Variants in ZNF517 observed in about 807,000 individuals in gnomAD.
The protein encoded by ZNF517 is zinc finger protein 517.
ZNF517 carries 12 observed loss-of-function variants against 12.1 expected under a neutral mutation model. That is an observed-to-expected ratio of 0.99 (90% CI 0.63 to 1.61). ZNF517 has a LOEUF of 1.61. Ranked by LOEUF, ZNF517 falls within the 40% of genes most tolerant of loss-of-function variation. ZNF517 has a pLI of 0.00. For synonymous variants in ZNF517, 388 were observed against 310.2 expected (o/e 1.25, Z -2.63); for missense variants, 781 against 693.2 (o/e 1.13, Z -1.42).
At position 144,807,490 on chromosome 8, in the gene ZNF517, C is replaced by T. The variant is rs1427333261; in HGVS notation, c.574C>T (p.Leu192Phe). ...CGKAFRYNSL[L>F]LRHQIIHTGA... ...CAAGGCGTTCAGATACAACTCGCTG[C>T]TTCTCAGGCACCAGATCATCCACAC... The change falls in exon 5 of 5, where the codon CTT (leucine) becomes TTT (phenylalanine). Residue 192 changes from leucine to phenylalanine, a missense_variant. Transcript: ENST00000359971. 1.3e-6 allele frequency: 2 copies of T among 1,586,656 alleles called. No homozygotes were observed. The highest frequency in any genetic ancestry group is 4.7e-5 in the East Asian group (2 of 42,816).
At chr8:144,812,168 TA>T (rs1200747855), downstream of ZNF517, among the ~76,000 whole-genome samples, 1,457 of 136,832 alleles carry the variant, frequency 0.011, 46 homozygotes, top group African/African-American at 0.038. Flanking sequence ...ACACTGACAG[TA>T]AAGCTCAGCC....
chr8:144,805,142 G>T (rs1458710192), intron 4 of ZNF517, among the ~76,000 whole-genome samples: 1 of 152,224 alleles, frequency 6.6e-6, no homozygotes, highest in African/African-American at 2.4e-5. Context: ...GCTAGACCAA[G>T]GTCAACTAAG....
chr8:144,804,209 AGAGCGT>A lies in ZNF517; in HGVS notation c.247_252del (p.Ser83_Val84del). 2 of 1,614,038 alleles carry A rather than the reference AGAGCGT, an allele frequency of 1.2e-6. No individual in the cohort carries two copies. The highest frequency in any genetic ancestry group is 1.7e-6 in the Non-Finnish European group (2 of 1,179,954). Reference sequence around the variant, plus strand: ...GCCTTGATTCTGCAGGTGGCTGAACAGAGCGTGGCCAAAGCCAGCCTGTGCACAGGT... The same window carrying A: ...GCCTTGATTCTGCAGGTGGCTGAACAGGCCAAAGCCAGCCTGTGCACAGGT... On this transcript the variant is annotated inframe_deletion, in exon 4 of 5. Transcript: ENST00000359971.
At chr8:144,806,020 C>T (rs1196514303) in intron 4 of ZNF517, among the ~76,000 whole-genome samples, 1 of 152,156 alleles carries the variant, frequency 6.6e-6, no homozygotes, top group Non-Finnish European at 1.5e-5. Flanking sequence ...TCTAGTATAA[C>T]TATTCTTATT....
chr8:144,800,671 C>G, intron 1 of ZNF517: 1 of 985,362 alleles, frequency 1.0e-6, no homozygotes, highest in Non-Finnish European at 1.2e-6. Context: ...TGGTGTGGCC[C>G]TGCTCTTCCA....
chr8:144,810,809 G>C (rs1038145299), downstream of ZNF517: 1 of 153,544 alleles, frequency 6.5e-6, no homozygotes, highest in African/African-American at 2.4e-5. Context: ...GGTGTCTCCA[G>C]ATTTTTCAGG....
downstream of ZNF517, chr8:144,810,103 T>C: frequency 1.6e-6 from 1 of 631,050 alleles, no homozygotes; most frequent in Non-Finnish European, 2.9e-6. Context: ...TTTGTCTCTC[T>C]AGAGGACCCT....
Position 144,807,487 on chromosome 8 carries a change from C to T in ZNF517, c.571C>T (p.Leu191=), listed in dbSNP as rs1456705460. ...CGGCAAGGCGTTCAGATACAACTCG[C>T]TGCTTCTCAGGCACCAGATCATCCA... ...VCGKAFRYNS[L]LLRHQIIHTG... Residue 191 remains leucine, a synonymous_variant, in exon 5 of 5, where the codon CTG becomes TTG. Transcript: ENST00000359971. 1.3e-6 allele frequency: 2 copies of T among 1,585,378 alleles called. No individual in the cohort carries two copies. The highest frequency in any genetic ancestry group is 1.4e-5 in the African/African-American group (1 of 73,948).
chr8:144,808,293 G>A lies in ZNF517; in HGVS notation c.1377G>A (p.Arg459=), dbSNP rs1276913783. The change falls in exon 5 of 5, where the codon AGG becomes AGA. Residue 459 remains arginine (R), a synonymous_variant. Coordinates refer to ENST00000359971, the MANE Select transcript of ZNF517 (RefSeq NM_213605.3). ...CATACCGGTGCCGCGCCTGCGGGAG[G>A]GCCTGCAGCCGGCTGTCCACCCTCA... ...ERPYRCRACG[R]ACSRLSTLIQ... The A allele has an allele frequency of 3.2e-6, 5 of 1,550,334 alleles. No homozygotes were observed. Among genetic ancestry groups the A allele is most frequent in the African/African-American group, 1.4e-5 (1 of 73,294 alleles).
chr8:144,802,558 C>T (rs902237399), intron 1 of ZNF517, among the ~76,000 whole-genome samples: 1 of 152,084 alleles, frequency 6.6e-6, no homozygotes, highest in Non-Finnish European at 1.5e-5. Context: ...TGTCAGATGG[C>T]ATAGTGCTAT....
At chr8:144,806,962 A>C (rs1485365643) in intron 4 of ZNF517, among the ~76,000 whole-genome samples, 1 of 152,104 alleles carries the variant, frequency 6.6e-6, no homozygotes, top group African/African-American at 2.4e-5. Flanking sequence ...TCTTTCGCCC[A>C]GGCTGGAGTG....
rs745604422 is a variant in ZNF517 at position 144,807,333 on chromosome 8, C to T, written c.417C>T (p.Gly139=). The T allele has an allele frequency of 2.3e-5, 35 of 1,550,958 alleles. No individual in the cohort carries two copies. The highest frequency in any genetic ancestry group is 2.9e-5 in the Non-Finnish European group (33 of 1,146,450). ...ACCCTGCACCACCCCACCCGCATGG[C>T]GGTCCTGAGGACGGGTCAGATAAAC... ...GGHPAPPHPH[G]GPEDGSDKPT... The change falls in exon 5 of 5, where the codon GGC becomes GGT. Residue 139 remains glycine, a synonymous_variant. Transcript: ENST00000359971.
downstream of ZNF517, among the ~76,000 whole-genome samples, chr8:144,811,949 C>G (rs1827569181): frequency 3.0e-5 from 3 of 100,044 alleles, no homozygotes; most frequent in African/African-American, 4.5e-5. Flanking sequence ...GTGGGAGAGA[C>G]ACGGACAGTA....
intron 4 of ZNF517, 152 bp downstream of exon 4, chr8:144,804,390 G>C: frequency 1.7e-6 from 1 of 599,652 alleles, no homozygotes; most frequent in Non-Finnish European, 2.9e-6. Flanking sequence ...CTTGCTTGTA[G>C]GTCTAAGGTC....
At chr8:144,804,774 A>G (rs1262940261) in intron 4 of ZNF517, among the ~76,000 whole-genome samples, 1 of 152,224 alleles carries the variant, frequency 6.6e-6, no homozygotes, top group Non-Finnish European at 1.5e-5. Flanking sequence ...TTCACCGGAC[A>G]GGGGGTCCTT....
At chr8:144,801,414 C>G (rs1220451420) in intron 1 of ZNF517, among the ~76,000 whole-genome samples, 1 of 152,136 alleles carries the variant, frequency 6.6e-6, no homozygotes, top group Admixed American at 6.5e-5. Flanking sequence ...TTCACTGCAA[C>G]CTCTGCCTCC....
chr8:144,805,054 C>G (rs1827151171), intron 4 of ZNF517, among the ~76,000 whole-genome samples: 1 of 152,216 alleles, frequency 6.6e-6, no homozygotes. Flanking sequence ...AGAGTCTTCT[C>G]TAACTACCCT....
In ZNF517 at chr8:144,809,002, C is replaced by CGTG. The variant is rs1478254568; in HGVS notation, c.*610_*612dup. 3 of 151,848 alleles carry CGTG rather than the reference C, an allele frequency of 2.0e-5. No individual in the cohort carries two copies. Among genetic ancestry groups the CGTG allele is most frequent in the Admixed American group, 2.0e-4 (3 of 15,240 alleles). 9.4% of individuals were successfully genotyped at this position (151,848 alleles called of 1,614,324 possible). On this transcript the variant is annotated 3_prime_UTR_variant, in exon 5 of 5. Transcript: ENST00000359971. ...AAAAATTTAAAAATAAGTCAGGTATCGTGGTCTGTGCCTGTACGCTGTAGT... is the reference window on the plus strand; with the variant it reads ...AAAAATTTAAAAATAAGTCAGGTATCGTGGTGGTCTGTGCCTGTACGCTGTAGT...
intron 1 of ZNF517, chr8:144,800,822 C>T (rs1206051728): frequency 2.3e-6 from 1 of 430,366 alleles, no homozygotes; most frequent in African/African-American, 2.1e-5. Context: ...AGCAGCCCTC[C>T]TGCCTCTAAA....
Sources: allele counts gnomAD v4.1 joint callset (sites outside exome capture counted in the v4.1 genomes callset), GRCh38; gene constraint gnomAD v4.1.1; transcripts MANE v1.5; gene names NCBI Gene and HGNC (gene_info 2026-07-23, HGNC 2026-07-21).